CACYBP: variants seen among roughly 807,000 people sequenced by gnomAD.
CACYBP encodes calcyclin binding protein.
A neutral mutation model predicts 29.6 loss-of-function variants in CACYBP; 11 were observed. The ratio of observed to expected loss-of-function variants is 0.37; its 90% confidence interval spans 0.23 to 0.61. The LOEUF is 0.61. Among genes scored for constraint, CACYBP ranks in the 20% least tolerant of loss-of-function variants. CACYBP has a pLI of 0.65. For missense variants in CACYBP, 163 were observed against 260.7 expected, an observed-to-expected ratio of 0.63 and a Z score of 2.58; for synonymous variants, 73 against 88.3, an observed-to-expected ratio of 0.83 and a Z score of 0.97.
intron 3 of CACYBP, 81 bp from the exon 4 acceptor site, chr1:175,007,017 A>C: frequency 2.0e-6 from 2 of 1,022,596 alleles, no homozygotes; most frequent in South Asian, 2.9e-5. Context: ...TAAAGCCAGC[A>C]GCTTTTTTCC....
Position 175,010,537 on chromosome 1 carries a change from C to T in CACYBP, c.*458C>T, listed in dbSNP as rs1672722548. On this transcript the variant is annotated 3_prime_UTR_variant, in exon 6 of 6. Transcript: ENST00000367679. Reference sequence around the variant, plus strand: ...TGAAGGTTGCTGTAGAGCATCTGACCCCTTATTACCACCTTAAGCAATGTA... The same window carrying T: ...TGAAGGTTGCTGTAGAGCATCTGACTCCTTATTACCACCTTAAGCAATGTA... 6.5e-6 allele frequency: 1 copy of T among 152,988 alleles called. No homozygotes were observed. The highest frequency in any genetic ancestry group is 2.4e-5 in the African/African-American group (1 of 41,394). The allele number at this position is 152,988 out of a possible 1,614,324, so 9.5% of individuals were successfully genotyped here.
rs540809962 is a variant in CACYBP, at chr1:175,002,385, T to G, written c.15+2190T>G. ...TGCGTTTACCCAATGATGAAGATGT[T>G]GAGCATCTTTAATGTTCTTGGTGTC... On this transcript the variant is annotated intron_variant, in intron 1 of 5. Transcript: ENST00000367679. 7.5e-4 allele frequency among the ~76,000 whole-genome samples: 114 copies of G among 152,356 alleles called. 3 individuals are homozygous for G. In the South Asian group the frequency reaches 0.012, roughly 15 times the overall value.
chr1:175,008,195 T>C (rs923283169), intron 4 of CACYBP, among the ~76,000 whole-genome samples: 4 of 152,094 alleles, frequency 2.6e-5, no homozygotes, highest in Non-Finnish European at 4.4e-5. Flanking sequence ...TATTACTGTC[T>C]TTTTCAGTCA....
In CACYBP at chr1:175,010,672, A is replaced by ATATC. The variant is rs1452016793; in HGVS notation, c.*595_*598dup. 1.3e-5 allele frequency: 2 copies of ATATC among 152,248 alleles called. No homozygotes were observed. Among genetic ancestry groups the ATATC allele is most frequent in the Admixed American group, 1.3e-4 (2 of 15,296 alleles). The allele number at this position is 152,248 out of a possible 1,614,324, so 9.4% of individuals were successfully genotyped here. On this transcript the variant is annotated 3_prime_UTR_variant, in exon 6 of 6. Transcript: ENST00000367679. ...AAATCTAAACATGACAATAATAGAC[A>ATATC]TATCTTTGTATGGTACCAGTTAGTT...
Position 175,004,692 on chromosome 1 carries a change from GA to G in CACYBP, c.99del (p.Lys33AsnfsTer41). 4 of 1,613,970 alleles carry G rather than the reference GA, an allele frequency of 2.5e-6. No individual in the cohort carries two copies. Among genetic ancestry groups the G allele is most frequent in the Non-Finnish European group, 3.4e-6 (4 of 1,179,850 alleles). ...AAGAGTACGTGATGCCCTTACAGCT[GA>G]AAAATCCAAGATTGAGACAGAAATC... is the stretch of plus-strand genomic sequence containing the variant. The part of the protein sequence containing the change: ...RKRVRDALTA[E>X]KSKIETEIKN... On this transcript the variant is annotated frameshift_variant, in exon 2 of 6. Coordinates refer to ENST00000367679, the MANE Select transcript of CACYBP (RefSeq NM_014412.3). LOFTEE classifies it high-confidence loss of function.
chr1:175,003,201 C>T (rs1358543487), intron 1 of CACYBP, among the ~76,000 whole-genome samples: 1 of 151,870 alleles, frequency 6.6e-6, no homozygotes, highest in East Asian at 1.9e-4. Flanking sequence ...TCACTGCAAC[C>T]TTTGCCTCCC....
intron 2 of CACYBP, among the ~76,000 whole-genome samples, chr1:175,005,857 C>A (rs925916572): frequency 6.6e-6 from 1 of 152,020 alleles, no homozygotes; most frequent in South Asian, 2.1e-4. Flanking sequence ...GTTCTCTGGA[C>A]CCCACTAGGG....
intron 1 of CACYBP, chr1:175,000,660 C>G (rs1672454083): frequency 1.0e-6 from 1 of 966,194 alleles, no homozygotes; most frequent in African/African-American, 1.8e-5. Context: ...ACACGAGGAG[C>G]TGTGTTACTC....
At position 175,011,436 on chromosome 1, in the gene CACYBP, A is replaced by G. The variant is rs1672754020; in HGVS notation, c.*1357A>G. 6.6e-6 allele frequency: 1 copy of G among 152,206 alleles called. No individual in the cohort carries two copies. Among genetic ancestry groups the G allele is most frequent in the Non-Finnish European group, 1.5e-5 (1 of 68,044 alleles). 9.4% of individuals were successfully genotyped at this position (152,206 alleles called of 1,614,324 possible). On this transcript the variant is annotated 3_prime_UTR_variant, in exon 6 of 6. Transcript: ENST00000367679. ...CAAGCCGCCTGACGATCTAATTGTA[A>G]AAAGTAAAGCATACAAATACTAGAA... is the stretch of plus-strand genomic sequence containing the variant.
At chr1:175,000,223 T>A in intron 1 of CACYBP, 28 bp downstream of exon 1, 1 of 1,595,688 alleles carries the variant, frequency 6.3e-7, no homozygotes. Flanking sequence ...ATATTCCTTA[T>A]GCCCCCCGGC....
At chr1:175,008,801 T>C in intron 5 of CACYBP, 95 bp downstream of exon 5, 1 of 712,580 alleles carries the variant, frequency 1.4e-6, no homozygotes, top group Non-Finnish European at 2.5e-6. Flanking sequence ...TATTTCTGCT[T>C]TCAACTGTCA....
chr1:175,004,249 C>G (rs981367784), intron 1 of CACYBP, among the ~76,000 whole-genome samples: 1 of 152,126 alleles, frequency 6.6e-6, no homozygotes, highest in African/African-American at 2.4e-5. Context: ...TCTAATGACA[C>G]TCGGATTAGA....
chr1:175,000,146 G>A lies in CACYBP; in HGVS notation c.-35G>A. ...GGTTTCCTGTTCCTCCTTCTGCGCG[G>A]CTGCAGCTCGGGACTTCGGCCTGAC... On this transcript the variant is annotated 5_prime_UTR_variant, in exon 1 of 6. Coordinates refer to ENST00000367679, the MANE Select transcript of CACYBP (RefSeq NM_014412.3). 2 of 1,598,086 alleles carry A rather than the reference G, an allele frequency of 1.3e-6. No homozygotes were observed. Among genetic ancestry groups the A allele is most frequent in the Non-Finnish European group, 1.7e-6 (2 of 1,172,202 alleles).
intron 1 of CACYBP, chr1:175,000,549 C>G: frequency 8.4e-7 from 1 of 1,191,968 alleles, no homozygotes; most frequent in African/African-American, 1.6e-5. Context: ...TTCATTCAAG[C>G]AAAGCTGGGT....
rs1672767874 is a variant in CACYBP, at chr1:175,011,950, A to T, written c.*1871A>T. On this transcript the variant is annotated 3_prime_UTR_variant, in exon 6 of 6. Coordinates refer to ENST00000367679, the MANE Select transcript of CACYBP (RefSeq NM_014412.3). ...AAACCCTGTCTCTACTGAAAATAAA[A>T]AAAACTAGCTGGGCATGGTGGCAGA... Among the ~76,000 whole-genome samples the T allele has an allele frequency of 6.6e-6, 1 of 152,222 alleles. No individual in the cohort carries two copies. Among genetic ancestry groups the T allele is most frequent in the African/African-American group, 2.4e-5 (1 of 41,444 alleles).
At position 174,999,976 on chromosome 1, in the gene CACYBP, T is replaced by C; in HGVS notation, c.-205T>C. 1.5e-6 allele frequency: 1 copy of C among 668,868 alleles called. No homozygotes were observed. The allele number at this position is 668,868 out of a possible 1,614,324, so 41.4% of individuals were successfully genotyped here. On this transcript the variant is annotated 5_prime_UTR_variant, in exon 1 of 6. Coordinates refer to ENST00000367679, the MANE Select transcript of CACYBP (RefSeq NM_014412.3). ...GGCTGTGCGTGCTCGCGGTGGGCGGTGGCGGCGGCTGCCTCGCGAAGGTTC... is the reference window on the plus strand; with the variant it reads ...GGCTGTGCGTGCTCGCGGTGGGCGGCGGCGGCGGCTGCCTCGCGAAGGTTC...
intron 1 of CACYBP, chr1:175,000,421 G>A: frequency 7.9e-6 from 11 of 1,394,242 alleles, no homozygotes; most frequent in Non-Finnish European, 6.5e-6. Context: ...GGGCTCGAGC[G>A]GGGGTGTGCG....
chr1:175,001,727 C>T (rs550269169), intron 1 of CACYBP, among the ~76,000 whole-genome samples: 1 of 152,126 alleles, frequency 6.6e-6, no homozygotes, highest in Non-Finnish European at 1.5e-5. Flanking sequence ...TCCTTTCATC[C>T]GTTTATGGAC....
intron 5 of CACYBP, among the ~76,000 whole-genome samples, chr1:175,009,481 A>G (rs1672694171): frequency 6.6e-6 from 1 of 151,794 alleles, no homozygotes; most frequent in South Asian, 2.1e-4. Flanking sequence ...CTCTGTCTCT[A>G]CTAAAAATAC....
Sources: allele counts gnomAD v4.1 joint callset (sites outside exome capture counted in the v4.1 genomes callset), GRCh38; gene constraint gnomAD v4.1.1; transcripts MANE v1.5; gene names NCBI Gene and HGNC (gene_info 2026-07-23, HGNC 2026-07-21).